Variants in BIN3 observed in about 807,000 individuals in gnomAD.
The protein encoded by BIN3 is bridging integrator 3.
Under a neutral mutation model 38.2 loss-of-function variants are expected in BIN3, and 41 were observed. The ratio of observed to expected loss-of-function variants is 1.07; its 90% CI spans 0.84 to 1.39. The LOEUF is 1.39. BIN3 is among the 40% of genes most tolerant of loss of function. The pLI is 0.00. For synonymous variants in BIN3, 145 were observed against 122.6 expected, an observed-to-expected ratio of 1.18 and a Z score of -1.21; for missense variants, 361 against 324.3, an observed-to-expected ratio of 1.11 and a Z score of -0.87.
chr8:22,637,350 T>C (rs964939238), intron 2 of BIN3, among the ~76,000 whole-genome samples: 14 of 152,152 alleles, frequency 9.2e-5, no homozygotes, highest in African/African-American at 2.9e-4. Flanking sequence ...GGGTCTGGAA[T>C]TGGGGGTCTG....
intron 6 of BIN3, among the ~76,000 whole-genome samples, chr8:22,627,755 A>G (rs1183221523): frequency 1.3e-5 from 2 of 152,130 alleles, no homozygotes; most frequent in African/African-American, 2.4e-5. Flanking sequence ...TTCTCTTTCC[A>G]CATGTGAGGA....
chr8:22,637,514 T>C (rs1424812444), intron 2 of BIN3, among the ~76,000 whole-genome samples: 1 of 152,190 alleles, frequency 6.6e-6, no homozygotes. Flanking sequence ...ACACAGACAC[T>C]GTGACTACTG....
intron 6 of BIN3, chr8:22,625,178 G>A (rs990015110): frequency 4.8e-6 from 3 of 626,460 alleles, no homozygotes; most frequent in African/African-American, 1.8e-5. Context: ...ATGCAACGCT[G>A]CAGGTCCACA....
intron 1 of BIN3, among the ~76,000 whole-genome samples, chr8:22,646,681 G>A (rs1040379905): frequency 6.6e-6 from 1 of 152,186 alleles, no homozygotes; most frequent in Non-Finnish European, 1.5e-5. Context: ...TAACCAGGGA[G>A]GAAAGGTAAG....
chr8:22,646,376 C>T (rs1424797042), intron 1 of BIN3, among the ~76,000 whole-genome samples: 3 of 152,142 alleles, frequency 2.0e-5, no homozygotes, highest in Non-Finnish European at 4.4e-5. Context: ...ACCCGCTCCA[C>T]CAGGCCCACA....
intron 2 of BIN3, among the ~76,000 whole-genome samples, chr8:22,640,816 T>C (rs112001452): frequency 3.6e-4 from 54 of 150,312 alleles, no homozygotes; most frequent in Non-Finnish European, 3.7e-4. Flanking sequence ...TTCAGCTAGG[T>C]TGATCATCCT....
chr8:22,667,949 A>G (rs146231644), intron 1 of BIN3, among the ~76,000 whole-genome samples: 20 of 152,336 alleles, frequency 1.3e-4, no homozygotes, highest in Admixed American at 9.1e-4. Flanking sequence ...ACATTCTGTT[A>G]TCTTAATTCA....
chr8:22,668,183 C>T (rs1020515700), intron 1 of BIN3, among the ~76,000 whole-genome samples: 59 of 152,288 alleles, frequency 3.9e-4, no homozygotes, highest in African/African-American at 1.3e-3. Flanking sequence ...ATTCTCTAAC[C>T]TCTAAGAAAG....
chr8:22,652,803 C>G (rs1165641331), intron 1 of BIN3, among the ~76,000 whole-genome samples: 3 of 152,178 alleles, frequency 2.0e-5, no homozygotes, highest in African/African-American at 7.2e-5. Context: ...TTTTATGAAT[C>G]ATCTGCCTAA....
At chr8:22,648,524 T>G (rs183350875) in intron 1 of BIN3, among the ~76,000 whole-genome samples, 7 of 152,254 alleles carry the variant, frequency 4.6e-5, no homozygotes, top group Admixed American at 4.6e-4. Context: ...GAGTTATGGC[T>G]TTTGGGGTAG....
chr8:22,641,761 C>T (rs999552975), intron 2 of BIN3, among the ~76,000 whole-genome samples: 3 of 152,156 alleles, frequency 2.0e-5, no homozygotes, highest in Admixed American at 1.3e-4. Context: ...AACCTTGGAG[C>T]GCATGTTCCT....
chr8:22,629,857 C>A, intron 6 of BIN3, 107 bp downstream of exon 6: 2 of 1,131,258 alleles, frequency 1.8e-6, no homozygotes, highest in Non-Finnish European at 2.6e-6. Context: ...CGTCAGGCCC[C>A]ATGGGAATCT....
At chr8:22,649,306 G>A (rs952370762) in intron 1 of BIN3, among the ~76,000 whole-genome samples, 4 of 152,090 alleles carry the variant, frequency 2.6e-5, no homozygotes, top group Non-Finnish European at 5.9e-5. Flanking sequence ...TCTTCTAAAC[G>A]TCAAAGACTT....
intron 6 of BIN3, among the ~76,000 whole-genome samples, chr8:22,627,436 T>C (rs2404654): frequency 0.4 from 61,127 of 152,042 alleles, 12,614 homozygotes; most frequent in South Asian, 0.51. Context: ...GGACAGTGGA[T>C]GTGCCACGGT....
At chr8:22,664,187 A>T (rs1354501116) in intron 1 of BIN3, among the ~76,000 whole-genome samples, 2 of 152,242 alleles carry the variant, frequency 1.3e-5, no homozygotes, top group Non-Finnish European at 2.9e-5. Context: ...TTACTCCGAC[A>T]GATTTCCTTA....
intron 1 of BIN3, among the ~76,000 whole-genome samples, chr8:22,654,833 G>A (rs1803006527): frequency 6.6e-6 from 1 of 152,136 alleles, no homozygotes; most frequent in South Asian, 2.1e-4. Flanking sequence ...CTTCTCTTGG[G>A]CATATATCTA....
At chr8:22,659,079 G>C (rs1296692397) in intron 1 of BIN3, among the ~76,000 whole-genome samples, 1 of 152,248 alleles carries the variant, frequency 6.6e-6, no homozygotes, top group Admixed American at 6.5e-5. Flanking sequence ...AGCCAGAGCC[G>C]GGGCAGGGCT....
intron 1 of BIN3, among the ~76,000 whole-genome samples, chr8:22,660,929 G>A (rs1437615034): frequency 6.6e-6 from 1 of 152,148 alleles, no homozygotes. Context: ...TCTGTATCCA[G>A]GCTGAGGTGC....
chr8:22,657,095 T>G (rs1379082001), intron 1 of BIN3, among the ~76,000 whole-genome samples: 1 of 152,204 alleles, frequency 6.6e-6, no homozygotes, highest in Non-Finnish European at 1.5e-5. Flanking sequence ...CTATGCTAGG[T>G]TCTAGGGATA....
Sources: gnomAD v4.1 joint callset for allele counts (sites outside exome capture counted in the v4.1 genomes callset) on GRCh38, gnomAD v4.1.1 for gene constraint, MANE v1.5 for transcripts, NCBI Gene and HGNC (gene_info 2026-07-23, HGNC 2026-07-21) for gene names.